Variants in ST3GAL4 observed in about 807,000 individuals in gnomAD.
ST3GAL4 encodes ST3 beta-galactoside alpha-2,3-sialyltransferase 4.
Under a neutral mutation model 42.6 loss-of-function variants are expected in ST3GAL4, and 24 were observed. That is an observed-to-expected ratio of 0.56 (90% CI 0.41 to 0.79). ST3GAL4 has a LOEUF of 0.79. Ranked by LOEUF, ST3GAL4 falls within the 30% of genes least tolerant of loss-of-function variation. The probability of loss-of-function intolerance (pLI) is 0.00; values close to 1 mark genes in which losing one functional copy is unlikely to be tolerated. For missense variants in ST3GAL4, 311 were observed against 430.8 expected (o/e 0.72, Z 2.46); for synonymous variants, 135 against 163.2 (o/e 0.83, Z 1.32).
In ST3GAL4 at chr11:126,402,181, C is replaced by T. The variant is rs574788007; in HGVS notation, c.-60-3915C>T. On this transcript the variant is annotated intron_variant, in intron 1 of 10. Transcript: ENST00000444328. ...AGAACTGAGGACAGTGATGGCCGAG[C>T]GTGGTGGCTCATGCCTGCAATCCCA... Among the ~76,000 whole-genome samples, 4 of 151,902 alleles carry T rather than the reference C, an allele frequency of 2.6e-5. No individual in the cohort carries two copies. In the South Asian group the frequency reaches 6.2e-4, roughly 24 times the overall value.
chr11:126,404,500 G>A (rs540823723), intron 1 of ST3GAL4, among the ~76,000 whole-genome samples: 1 of 152,312 alleles, frequency 6.6e-6, no homozygotes, highest in South Asian at 2.1e-4. Flanking sequence ...AAGAAAACAA[G>A]TAACTAAGCT....
At chr11:126,401,540 A>AG (rs1189289992) in intron 1 of ST3GAL4, among the ~76,000 whole-genome samples, 1 of 150,160 alleles carries the variant, frequency 6.7e-6, no homozygotes, top group Non-Finnish European at 1.5e-5. Context: ...TGGGTGACAG[A>AG]GGGAGACTCC....
In ST3GAL4 at chr11:126,379,455, G is replaced by A. The variant is rs1483955940; in HGVS notation, c.-61+23613G>A. Among the ~76,000 whole-genome samples the A allele has an allele frequency of 6.6e-6, 1 of 152,068 alleles. No individual in the cohort carries two copies. The highest frequency in any genetic ancestry group is 1.5e-5 in the Non-Finnish European group (1 of 68,014). On this transcript the variant is annotated intron_variant, in intron 1 of 10. Transcript: ENST00000444328. The surrounding 1 kb of genome is among the most constrained non-coding windows in gnomAD (Gnocchi z 4.2). ...ACTTTTATGGAAGGATTTCTCTTGG[G>A]TATCCTTAATTTTGTTTTTATATTA...
At chr11:126,362,868 C>T (rs776209069) in intron 1 of ST3GAL4, among the ~76,000 whole-genome samples, 10 of 152,188 alleles carry the variant, frequency 6.6e-5, no homozygotes, top group Non-Finnish European at 1.0e-4. Flanking sequence ...ATATTGCAAA[C>T]GAGGGAGCAG....
In ST3GAL4 at chr11:126,414,606, A is replaced by G. The variant is rs931042762; in HGVS notation, c.*559A>G. ...ACCTCATCTAGAAAAGAGGTTACAAACCTACCATTAAACTATTTTTCCTAA... is the reference window on the plus strand; with the variant it reads ...ACCTCATCTAGAAAAGAGGTTACAAGCCTACCATTAAACTATTTTTCCTAA... On this transcript the variant is annotated 3_prime_UTR_variant, in exon 11 of 11. Coordinates refer to ENST00000444328, the MANE Select transcript of ST3GAL4 (RefSeq NM_001254757.2). 6.4e-6 allele frequency: 1 copy of G among 155,380 alleles called. No homozygotes were observed. Among genetic ancestry groups the G allele is most frequent in the African/African-American group, 2.4e-5 (1 of 41,452 alleles). 9.6% of individuals were successfully genotyped at this position (155,380 alleles called of 1,614,324 possible).
Position 126,409,170 on chromosome 11 carries a change from C to A in ST3GAL4, c.628-98C>A. 6.7e-7 allele frequency: 1 copy of A among 1,493,418 alleles called. No individual in the cohort carries two copies. Among genetic ancestry groups the A allele is most frequent in the South Asian group, 1.2e-5 (1 of 80,896 alleles). The allele number at this position is 1,493,418 out of a possible 1,614,324, so 92.5% of individuals were successfully genotyped here. A position where few individuals can be genotyped will look rare whatever the true frequency, so the allele number is the denominator to read the frequency against. ...TTGTGCTCCTGAAGGCCTCTGCCAT[C>A]GCTTGGACCCCCTCGCCTCGCTGAG... On this transcript the variant is annotated intron_variant, in intron 8 of 10. Transcript: ENST00000444328. The surrounding 1 kb of genome is among the most constrained non-coding windows in gnomAD (Gnocchi z 4.9).
chr11:126,407,748 C>A, intron 6 of ST3GAL4, 114 bp downstream of exon 6: 1 of 1,121,826 alleles, frequency 8.9e-7, no homozygotes. Flanking sequence ...CTGGTACCAT[C>A]CCAGCCAATT....
chr11:126,412,222 C>A (rs1231888988), intron 9 of ST3GAL4, among the ~76,000 whole-genome samples: 1 of 152,084 alleles, frequency 6.6e-6, no homozygotes, highest in Non-Finnish European at 1.5e-5. Context: ...AAGTGTGGCT[C>A]AGCCCAGCTG....
chr11:126,409,545 C>A lies in ST3GAL4; in HGVS notation c.771+134C>A, dbSNP rs776682103. 3.2e-6 allele frequency: 4 copies of A among 1,244,942 alleles called. No individual in the cohort carries two copies. The highest frequency in any genetic ancestry group is 4.4e-5 in the Admixed American group (2 of 45,870). The allele number at this position is 1,244,942 out of a possible 1,614,324, so 77.1% of individuals were successfully genotyped here. On this transcript the variant is annotated intron_variant, in intron 9 of 10. Transcript: ENST00000444328. This position sits in a 1 kb window ranked among gnomAD's most constrained non-coding sequence, Gnocchi z 4.9. ...TTTGCATTTTCCCTCCAGGAACACA[C>A]CTGTCATTAAAGTTGCTGCTGCAAA...
rs567136925 is a variant in ST3GAL4 at position 126,360,370 on chromosome 11, A to T, written c.-61+4528A>T. ...GCCACCACACTAGGCTAATTTTTCT[A>T]TTTTTTGTAGATACAGGGTTTTGCC... On this transcript the variant is annotated intron_variant, in intron 1 of 10. Coordinates refer to ENST00000444328, the MANE Select transcript of ST3GAL4 (RefSeq NM_001254757.2). Among the ~76,000 whole-genome samples, 4 of 152,148 alleles carry T rather than the reference A, an allele frequency of 2.6e-5. No homozygotes were observed. The East Asian group carries it at 7.7e-4, about 29-fold the overall frequency.
chr11:126,378,768 G>A lies in ST3GAL4; in HGVS notation c.-61+22926G>A, dbSNP rs745605456. Among the ~76,000 whole-genome samples the A allele has an allele frequency of 2.0e-5, 3 of 152,176 alleles. No individual in the cohort carries two copies. Among genetic ancestry groups the A allele is most frequent in the African/African-American group, 7.2e-5 (3 of 41,432 alleles). On this transcript the variant is annotated intron_variant, in intron 1 of 10. Coordinates refer to ENST00000444328, the MANE Select transcript of ST3GAL4 (RefSeq NM_001254757.2). The surrounding 1 kb of genome is among the most constrained non-coding windows in gnomAD (Gnocchi z 5.3). ...ATGTAGTGGATCTATTGAGGCATAC[G>A]ATTTTCCTGTAGCATTTCCATTGAA... is the stretch of plus-strand genomic sequence containing the variant.
chr11:126,408,260 A>G, intron 7 of ST3GAL4, 47 bp from the exon 8 acceptor site: 1 of 1,612,200 alleles, frequency 6.2e-7, no homozygotes, highest in Non-Finnish European at 8.5e-7. Flanking sequence ...GACTGTAGAC[A>G]GGCCCAGGAG....
chr11:126,357,744 T>G (rs1952117409), intron 1 of ST3GAL4, among the ~76,000 whole-genome samples: 1 of 152,194 alleles, frequency 6.6e-6, no homozygotes, highest in African/African-American at 2.4e-5. Context: ...CTGTCCTAAC[T>G]CCCCACTGGC....
At chr11:126,372,383 A>G (rs1422592949) in intron 1 of ST3GAL4, among the ~76,000 whole-genome samples, 1 of 151,062 alleles carries the variant, frequency 6.6e-6, no homozygotes, top group Non-Finnish European at 1.5e-5. Context: ...GTTGCAGTGT[A>G]TGTCAGAATT....
At chr11:126,361,365 A>AT (rs10627600) in intron 1 of ST3GAL4, among the ~76,000 whole-genome samples, 40,888 of 137,070 alleles carry the variant, frequency 0.3, 6,088 homozygotes, top group South Asian at 0.36. Flanking sequence ...CTTGGCTTTA[A>AT]TTTTTTTTTT....
At position 126,379,070 on chromosome 11, in the gene ST3GAL4, AT is replaced by A. The variant is rs1322823918; in HGVS notation, c.-61+23229del. Among the ~76,000 whole-genome samples, 1 of 152,248 alleles carries A rather than the reference AT, an allele frequency of 6.6e-6. No individual in the cohort carries two copies. Among genetic ancestry groups the A allele is most frequent in the Non-Finnish European group, 1.5e-5 (1 of 68,044 alleles). ...CTTCTTCCAAGAGCTACACTGGTTG[AT>A]CATAAATATCAGCCAACTGCCAAGG... On this transcript the variant is annotated intron_variant, in intron 1 of 10. Coordinates refer to ENST00000444328, the MANE Select transcript of ST3GAL4 (RefSeq NM_001254757.2). The surrounding 1 kb of genome is among the most constrained non-coding windows in gnomAD (Gnocchi z 4.2).
chr11:126,370,075 T>TA (rs1952586313), intron 1 of ST3GAL4, among the ~76,000 whole-genome samples: 1 of 152,262 alleles, frequency 6.6e-6, no homozygotes, highest in Admixed American at 6.5e-5. Flanking sequence ...GTTTCCATCT[T>TA]ATGCTGTTAG....
chr11:126,407,183 G>A, intron 4 of ST3GAL4, 69 bp from the exon 5 acceptor site: 1 of 1,561,626 alleles, frequency 6.4e-7, no homozygotes, highest in East Asian at 2.2e-5. Flanking sequence ...TTAGTCATGG[G>A]CCTAACCCTA....
intron 1 of ST3GAL4, among the ~76,000 whole-genome samples, chr11:126,369,889 T>C (rs947738974): frequency 1.3e-4 from 20 of 152,236 alleles, no homozygotes; most frequent in Non-Finnish European, 4.4e-5. Context: ...GTAATTCTTT[T>C]GTGAAAGTGC....
Sources: gnomAD v4.1 joint callset for allele counts (sites outside exome capture counted in the v4.1 genomes callset) on GRCh38, gnomAD v4.1.1 for gene constraint, Gnocchi (gnomAD v3.1) non-coding constraint, MANE v1.5 for transcripts, NCBI Gene and HGNC (gene_info 2026-07-23, HGNC 2026-07-21) for gene names.